Variants in ATP9A observed in about 807,000 individuals in gnomAD.
ATP9A encodes the protein probable phospholipid-transporting ATPase IIA.
ATP9A carries 52 observed loss-of-function variants against 144.1 expected under a neutral mutation model. The observed-to-expected ratio is 0.36, with a 90% CI of 0.29 to 0.45. ATP9A has a LOEUF of 0.45. Ranked by LOEUF, ATP9A falls within the 20% of genes least tolerant of loss-of-function variation. The probability of loss-of-function intolerance (pLI) is 1.00; values close to 1 mark genes in which losing one functional copy is unlikely to be tolerated. For missense variants in ATP9A, 947 were observed against 1,392.7 expected (o/e 0.68, Z 5.09); for synonymous variants, 582 against 557.4 (o/e 1.04, Z -0.62).
At chr20:51,742,215 C>T (rs567723028) in intron 1 of ATP9A, among the ~76,000 whole-genome samples, 1 of 151,630 alleles carries the variant, frequency 6.6e-6, no homozygotes, top group East Asian at 1.9e-4. Context: ...GTCTCAGCTA[C>T]TTGGGGGGCT....
chr20:51,728,634 A>AAG (rs1485197130), intron 2 of ATP9A, among the ~76,000 whole-genome samples: 1 of 151,450 alleles, frequency 6.6e-6, no homozygotes, highest in Admixed American at 6.6e-5. Context: ...CTCAAAAAAA[A>AAG]AAAAAAAAAT....
At chr20:51,652,813 A>G (rs953325400) in intron 14 of ATP9A, among the ~76,000 whole-genome samples, 4 of 152,326 alleles carry the variant, frequency 2.6e-5, no homozygotes, top group African/African-American at 9.6e-5. Context: ...GTTGTAAAAA[A>G]AAAACCACAG....
At chr20:51,643,803 A>G (rs1403833464) in intron 14 of ATP9A, among the ~76,000 whole-genome samples, 3 of 152,220 alleles carry the variant, frequency 2.0e-5, no homozygotes, top group Non-Finnish European at 4.4e-5. Flanking sequence ...ATTGTCTTCC[A>G]AAGTTTAAAA....
At chr20:51,750,989 C>T (rs770383547) in intron 1 of ATP9A, among the ~76,000 whole-genome samples, 3 of 152,160 alleles carry the variant, frequency 2.0e-5, no homozygotes, top group Non-Finnish European at 4.4e-5. Context: ...AAGAGCTCTA[C>T]GTCCAACAAG....
At chr20:51,613,573 G>T (rs559635968) in intron 23 of ATP9A, 104 bp downstream of exon 23, 31 of 1,249,822 alleles carry the variant, frequency 2.5e-5, no homozygotes, top group Non-Finnish European at 3.2e-5. Context: ...CTTTTTCCAT[G>T]ATAATTACAT....
intron 14 of ATP9A, among the ~76,000 whole-genome samples, chr20:51,640,983 G>C (rs996220105): frequency 2.0e-5 from 3 of 152,256 alleles, no homozygotes; most frequent in South Asian, 2.1e-4. Flanking sequence ...CCAGCACTTG[G>C]GGAGGTTGAC....
At chr20:51,609,216 G>A (rs73134851) in intron 24 of ATP9A, among the ~76,000 whole-genome samples, 5 of 152,214 alleles carry the variant, frequency 3.3e-5, no homozygotes, top group Non-Finnish European at 7.4e-5. Context: ...GTCGCACGGC[G>A]CACAGCTCAG....
chr20:51,637,676 T>C (rs2077298291), intron 15 of ATP9A, among the ~76,000 whole-genome samples: 1 of 150,946 alleles, frequency 6.6e-6, no homozygotes, highest in African/African-American at 2.4e-5. Context: ...TGTTATCAAT[T>C]TCTACTTCTA....
At chr20:51,618,611 C>A in intron 21 of ATP9A, 51 bp downstream of exon 21, 2 of 1,560,284 alleles carry the variant, frequency 1.3e-6, no homozygotes, top group Non-Finnish European at 1.7e-6. Flanking sequence ...GGAAAGGGAG[C>A]CTGGTGCACC....
intron 11 of ATP9A, among the ~76,000 whole-genome samples, chr20:51,672,164 G>T (rs1018051553): frequency 1.3e-5 from 2 of 151,952 alleles, no homozygotes; most frequent in Admixed American, 6.6e-5. Context: ...CTTTTGGGGG[G>T]GCTTATTTTT....
At chr20:51,655,444 AACAG>A (rs960171015) in intron 14 of ATP9A, among the ~76,000 whole-genome samples, 2 of 152,150 alleles carry the variant, frequency 1.3e-5, no homozygotes, top group Non-Finnish European at 2.9e-5. Context: ...CAAAAAGAAA[AACAG>A]ACAAAGTGAA....
At chr20:51,659,963 G>T (rs6021356) in intron 13 of ATP9A, among the ~76,000 whole-genome samples, 2 of 151,996 alleles carry the variant, frequency 1.3e-5, no homozygotes, top group African/African-American at 4.8e-5. Flanking sequence ...TCAGAACTCC[G>T]GTTTAAATGA....
chr20:51,662,363 A>G, intron 13 of ATP9A, among the ~76,000 whole-genome samples: 1 of 151,722 alleles, frequency 6.6e-6, no homozygotes, highest in East Asian at 2.0e-4. Context: ...TGGCCAACAG[A>G]GTGAAACCCA....
intron 9 of ATP9A, among the ~76,000 whole-genome samples, chr20:51,678,201 C>T (rs1180690179): frequency 1.3e-5 from 2 of 152,066 alleles, no homozygotes; most frequent in Admixed American, 6.6e-5. Context: ...TGAGCCAAAA[C>T]TTGGAACACG....
At chr20:51,690,680 T>G in intron 8 of ATP9A, 59 bp downstream of exon 8, 1 of 1,436,244 alleles carries the variant, frequency 7.0e-7, no homozygotes, top group East Asian at 2.3e-5. Context: ...TTCTTGGCCT[T>G]CATTTCATCC....
At chr20:51,627,569 A>G in intron 17 of ATP9A, 31 bp downstream of exon 17, 1 of 1,598,854 alleles carries the variant, frequency 6.3e-7, no homozygotes, top group Non-Finnish European at 8.6e-7. Flanking sequence ...TGGGGCTGCA[A>G]AGGCAATGGA....
intron 14 of ATP9A, among the ~76,000 whole-genome samples, chr20:51,655,987 A>G (rs901678306): frequency 6.6e-6 from 1 of 152,234 alleles, no homozygotes; most frequent in African/African-American, 2.4e-5. Context: ...TGCATGGATG[A>G]ATCTTGAAAA....
chr20:51,745,438 A>G (rs1305750803), intron 1 of ATP9A, among the ~76,000 whole-genome samples: 3 of 150,404 alleles, frequency 2.0e-5, no homozygotes, highest in Non-Finnish European at 1.5e-5. Context: ...AAAAAAAAAA[A>G]GGAAAAAAAT....
chr20:51,607,644 A>G, intron 25 of ATP9A, 60 bp from the exon 26 acceptor site: 4 of 1,360,202 alleles, frequency 2.9e-6, no homozygotes, highest in East Asian at 4.6e-5. Context: ...GCAGCATGCC[A>G]TCAGCTTTCA....
Sources: gnomAD v4.1 joint callset for allele counts (sites outside exome capture counted in the v4.1 genomes callset) on GRCh38, gnomAD v4.1.1 for gene constraint, MANE v1.5 for transcripts, NCBI Gene and HGNC (gene_info 2026-07-23, HGNC 2026-07-21) for gene names.